Variants in HHLA1 observed in about 807,000 individuals in gnomAD.
HHLA1 encodes HERV-H LTR-associating protein 1.
A neutral mutation model predicts 69.9 loss-of-function variants in HHLA1; 72 were observed. The observed-to-expected ratio is 1.03, with a 90% CI of 0.85 to 1.25. The LOEUF is 1.25. Ranked by LOEUF, HHLA1 falls within the 50% of genes most tolerant of loss-of-function variation. The pLI is 0.00. For missense variants in HHLA1, 685 were observed against 642.2 expected, an observed-to-expected ratio of 1.07 and a Z score of -0.72; for synonymous variants, 252 against 233.2, an observed-to-expected ratio of 1.08 and a Z score of -0.73.
chr8:132,086,902 GC>G lies in HHLA1; in HGVS notation c.676+750del, dbSNP rs762220743. 4.2e-4 allele frequency among the ~76,000 whole-genome samples: 64 copies of G among 152,354 alleles called. 1 individual carries two copies. The highest frequency in any genetic ancestry group is 1.0e-3 in the South Asian group (5 of 4,828). On this transcript the variant is annotated intron_variant, in intron 10 of 16. Coordinates refer to ENST00000414222, the MANE Select transcript of HHLA1 (RefSeq NM_001145095.3). ...GCACTTCAAGAGAAAGTAATGAAGA[GC>G]CCACTATGTGCAAGGCACCAAGGGG...
chr8:132,069,360 TTTTG>T lies in HHLA1; in HGVS notation c.1469+1976_1469+1979del, dbSNP rs537251659. On this transcript the variant is annotated intron_variant, in intron 15 of 16. Transcript: ENST00000414222. ...TTGCCAACTTTCCCACCAGTGTTTT[TTTTG>T]TTTGTTTGTTTGTTTGTTTTTTATC... Among the ~76,000 whole-genome samples the T allele has an allele frequency of 5.5e-3, 835 of 152,290 alleles. 10 individuals are homozygous for T. The highest frequency in any genetic ancestry group is 0.019 in the African/African-American group (794 of 41,550).
intron 4 of HHLA1, among the ~76,000 whole-genome samples, chr8:132,099,334 A>G (rs1486097548): frequency 6.6e-6 from 1 of 152,242 alleles, no homozygotes; most frequent in African/African-American, 2.4e-5. Flanking sequence ...TAAGTACCCC[A>G]TGTAAACGTG....
intron 10 of HHLA1, among the ~76,000 whole-genome samples, chr8:132,084,725 A>C (rs929935610): frequency 1.3e-4 from 18 of 143,580 alleles, no homozygotes; most frequent in Admixed American, 5.8e-4. Context: ...CCCATAGTGA[A>C]GGAGGCAAGC....
Position 132,098,893 on chromosome 8 carries a change from C to G in HHLA1, c.269G>C (p.Arg90Thr), listed in dbSNP as rs75623295. 9.1e-4 allele frequency: 1,411 copies of G among 1,549,214 alleles called. 29 individuals carry two copies. In the East Asian group the frequency reaches 0.029, roughly 32 times the overall value. ...TAAAATATGATTACCTTTTAACGCT[C>G]TACTGAGCATCCCATTCACAAGCTC... Reference protein sequence around the residue: ...LTELVNGMLSRALKDSKKFFS... With the variant: ...LTELVNGMLSTALKDSKKFFS... Residue 90 changes from arginine (R) to threonine (T), a missense_variant, in exon 5 of 17, where the codon AGA becomes ACA. Arg to Thr is a moderately conservative substitution (Grantham distance 71, BLOSUM62 -1). Transcript: ENST00000414222.
intron 1 of HHLA1, among the ~76,000 whole-genome samples, chr8:132,110,703 A>G (rs1824281959): frequency 6.6e-6 from 1 of 152,232 alleles, no homozygotes; most frequent in Non-Finnish European, 1.5e-5. Flanking sequence ...ACACTGAGTA[A>G]GGAAATATAA....
intron 2 of HHLA1, among the ~76,000 whole-genome samples, chr8:132,104,768 A>G (rs1292546785): frequency 6.6e-6 from 1 of 152,158 alleles, no homozygotes; most frequent in Non-Finnish European, 1.5e-5. Context: ...TACACTACAC[A>G]GAGAGAAGTA....
chr8:132,083,847 TGA>T (rs1823807281), intron 10 of HHLA1, among the ~76,000 whole-genome samples: 1 of 152,204 alleles, frequency 6.6e-6, no homozygotes, highest in Admixed American at 6.5e-5. Context: ...TTGTACACCT[TGA>T]AGGCAAGGTT....
Position 132,064,051 on chromosome 8 carries a change from CAGA to C in HHLA1, c.1553-16_1553-14del, listed in dbSNP as rs748044993. 103 of 1,301,334 alleles carry C rather than the reference CAGA, an allele frequency of 7.9e-5. No individual in the cohort carries two copies. Among genetic ancestry groups the C allele is most frequent in the Admixed American group, 3.0e-4 (13 of 43,330 alleles). 80.6% of individuals were successfully genotyped at this position (1,301,334 alleles called of 1,614,324 possible). On this transcript the variant is annotated splice_polypyrimidine_tract_variant and intron_variant, in intron 16 of 16. Transcript: ENST00000414222. Reference sequence around the variant, plus strand: ...TTTTGCTTTAAGGCTGAAAAAAAAGCAGAAGAAGAAGGAACTCAAGGTACTGAG... The same window carrying C: ...TTTTGCTTTAAGGCTGAAAAAAAAGCAGAAGAAGGAACTCAAGGTACTGAG...
Position 132,065,966 on chromosome 8 carries a change from T to C in HHLA1, c.1472A>G (p.Tyr491Cys). The C allele has an allele frequency of 7.8e-7, 1 of 1,275,228 alleles. No individual in the cohort carries two copies. The highest frequency in any genetic ancestry group is 1.5e-5 in the African/African-American group (1 of 65,356). 79.0% of individuals were successfully genotyped at this position (1,275,228 alleles called of 1,614,324 possible). A position where few individuals can be genotyped will look rare whatever the true frequency, so the allele number is the denominator to read the frequency against. ...AAACCAGGAATAGTATTCAAGACAG[T>C]ATCTAAAGATTTAAATCAGAGCAGG... The part of the protein sequence containing the change: ...QRSPRTEDMR[Y>C]CLEYYSWFLK... The change falls in exon 16 of 17, where the codon TAC becomes TGC. Residue 491 changes from tyrosine to cysteine, a missense_variant and splice_region_variant. Physicochemically the swap from Tyr to Cys is radical, Grantham distance 194 (BLOSUM62 -2). Coordinates refer to ENST00000414222, the MANE Select transcript of HHLA1 (RefSeq NM_001145095.3).
At chr8:132,073,031 A>G (rs113592744) in intron 14 of HHLA1, among the ~76,000 whole-genome samples, 43 of 152,328 alleles carry the variant, frequency 2.8e-4, no homozygotes, top group African/African-American at 9.4e-4. Flanking sequence ...TGGTTTCCTC[A>G]TTACTTAATG....
At chr8:132,069,829 A>G (rs1823500389) in intron 15 of HHLA1, 1 of 152,454 alleles carries the variant, frequency 6.6e-6, no homozygotes, top group African/African-American at 2.4e-5. Flanking sequence ...CATCACAGAT[A>G]TACAGCAGAG....
chr8:132,096,530 A>C (rs763834393), intron 5 of HHLA1, among the ~76,000 whole-genome samples: 7 of 152,150 alleles, frequency 4.6e-5, no homozygotes. Context: ...TTAAACCAGG[A>C]ATACTAACAT....
intron 5 of HHLA1, among the ~76,000 whole-genome samples, chr8:132,097,771 G>A (rs546116134): frequency 8.3e-4 from 127 of 152,288 alleles, no homozygotes; most frequent in Non-Finnish European, 1.5e-3. Flanking sequence ...TTGGAGGCAG[G>A]AGCTATATCT....
chr8:132,067,603 T>C (rs572420608), intron 15 of HHLA1, among the ~76,000 whole-genome samples: 1 of 152,112 alleles, frequency 6.6e-6, no homozygotes, highest in African/African-American at 2.4e-5. Flanking sequence ...GGATTCCCAC[T>C]TGGCTGTGGG....
chr8:132,087,162 G>A (rs1282034026), intron 10 of HHLA1, among the ~76,000 whole-genome samples: 2 of 152,194 alleles, frequency 1.3e-5, no homozygotes. Context: ...ATAGGGTTCT[G>A]AAATATGGAA....
intron 11 of HHLA1, 146 bp downstream of exon 11, chr8:132,079,572 T>C (rs1823703785): frequency 1.2e-6 from 1 of 858,516 alleles, no homozygotes; most frequent in Admixed American, 3.1e-5. Context: ...TACCGGCTCA[T>C]ACAGATCTGT....
At chr8:132,090,620 G>A (rs750945707) in intron 7 of HHLA1, among the ~76,000 whole-genome samples, 6 of 152,116 alleles carry the variant, frequency 3.9e-5, no homozygotes, top group Non-Finnish European at 7.4e-5. Context: ...GCCATGAGGT[G>A]GTCTTACTAT....
chr8:132,071,286 G>A (rs1259527794), intron 15 of HHLA1, 54 bp downstream of exon 15: 1 of 1,493,844 alleles, frequency 6.7e-7, no homozygotes, highest in East Asian at 2.5e-5. Flanking sequence ...AAGCCACACG[G>A]AATAAGAAAG....
intron 10 of HHLA1, among the ~76,000 whole-genome samples, chr8:132,082,171 T>C (rs186711689): frequency 0.018 from 2,677 of 152,252 alleles, 79 homozygotes; most frequent in African/African-American, 0.057. Context: ...AGAGTGAGTA[T>C]AGCTGAAGGA....
Sources: allele counts gnomAD v4.1 joint callset (sites outside exome capture counted in the v4.1 genomes callset), GRCh38; gene constraint gnomAD v4.1.1; transcripts MANE v1.5; gene names NCBI Gene and HGNC (gene_info 2026-07-23, HGNC 2026-07-21).